The following MYO3B variants were observed in gnomAD, a reference collection of about 807,000 sequenced individuals.
The protein encoded by MYO3B is myosin-IIIb.
MYO3B carries 156 observed loss-of-function variants against 174.6 expected under a neutral mutation model. The observed-to-expected ratio is 0.89, with a 90% CI of 0.78 to 1.02. The LOEUF is 1.02. Among genes scored for constraint, MYO3B ranks in the 50% least tolerant of loss-of-function variants. MYO3B has a pLI of 0.00. For missense variants in MYO3B, 1,632 were observed against 1,639.4 expected, an observed-to-expected ratio of 1.00 and a Z score of 0.08; for synonymous variants, 563 against 569.1, an observed-to-expected ratio of 0.99 and a Z score of 0.15.
At chr2:170,481,865 TGTG>T (rs1685708561) in intron 25 of MYO3B, among the ~76,000 whole-genome samples, 1 of 152,156 alleles carries the variant, frequency 6.6e-6, no homozygotes, top group Non-Finnish European at 1.5e-5. Flanking sequence ...CCCAACTGTG[TGTG>T]TTGGTGCCTT....
chr2:170,448,119 T>C (rs1045338203), intron 23 of MYO3B, among the ~76,000 whole-genome samples: 4 of 152,174 alleles, frequency 2.6e-5, no homozygotes, highest in African/African-American at 9.7e-5. Context: ...TGTGGCTAAT[T>C]TGTTAGTCTT....
chr2:170,282,989 C>A (rs777005501), intron 7 of MYO3B, among the ~76,000 whole-genome samples: 2 of 152,118 alleles, frequency 1.3e-5, no homozygotes, highest in Non-Finnish European at 1.5e-5. Context: ...TTCACCATTG[C>A]AGTCCTCTGG....
chr2:170,630,800 C>G (rs1380472509), intron 32 of MYO3B, among the ~76,000 whole-genome samples: 2 of 152,220 alleles, frequency 1.3e-5, no homozygotes, highest in Admixed American at 1.3e-4. Flanking sequence ...TCCAACAGAC[C>G]TGCAACTGAG....
intron 28 of MYO3B, among the ~76,000 whole-genome samples, chr2:170,512,751 G>A (rs1024179046): frequency 6.6e-6 from 1 of 152,094 alleles, no homozygotes. Flanking sequence ...AGGAGAATAG[G>A]GATTATTATT....
rs556420213 is a variant in MYO3B, at chr2:170,599,799, A to C, written c.3734-51829A>C. ...TGATGTGTTCAGCTCAATATTTTAG[A>C]GTGCTTGCCCTTAGTCTCAGGCTTA... is the stretch of plus-strand genomic sequence containing the variant. On this transcript the variant is annotated intron_variant, in intron 32 of 34. Coordinates refer to ENST00000408978, the MANE Select transcript of MYO3B (RefSeq NM_138995.5). Among the ~76,000 whole-genome samples, 9 of 152,294 alleles carry C rather than the reference A, an allele frequency of 5.9e-5. No homozygotes were observed. In the East Asian group the frequency reaches 1.7e-3, roughly 29 times the overall value.
intron 7 of MYO3B, among the ~76,000 whole-genome samples, chr2:170,252,937 G>A (rs1186281533): frequency 1.3e-5 from 2 of 152,290 alleles, no homozygotes; most frequent in East Asian, 1.9e-4. Flanking sequence ...GTGGAGAGTG[G>A]TAGATGATGA....
intron 32 of MYO3B, among the ~76,000 whole-genome samples, chr2:170,551,798 G>A (rs1392607687): frequency 6.6e-6 from 1 of 152,122 alleles, no homozygotes; most frequent in East Asian, 1.9e-4. Context: ...CCTCAGTGTT[G>A]GGGGAGGGAC....
intron 25 of MYO3B, among the ~76,000 whole-genome samples, chr2:170,476,003 G>T (rs1685293027): frequency 6.6e-6 from 1 of 152,168 alleles, no homozygotes; most frequent in Admixed American, 6.5e-5. Flanking sequence ...CAGCATTCTT[G>T]CTTTTCCCTG....
In MYO3B at chr2:170,652,163, C is replaced by G; in HGVS notation, c.3887+9C>G. 1 of 1,613,656 alleles carries G rather than the reference C, an allele frequency of 6.2e-7. No homozygotes were observed. Among genetic ancestry groups the G allele is most frequent in the Non-Finnish European group, 8.5e-7 (1 of 1,179,662 alleles). On this transcript the variant is annotated intron_variant, in intron 34 of 34. Transcript: ENST00000408978. ...AAGCCAAGAAAACTTGGGTAAATAT[C>G]TGTCTTCTTAGTTCTAAGCAACTGT...
At chr2:170,200,383 GAGT>G (rs2092648603) in intron 3 of MYO3B, 99 bp downstream of exon 3, 1 of 1,369,600 alleles carries the variant, frequency 7.3e-7, no homozygotes, top group African/African-American at 1.5e-5. Context: ...CACATTTGAG[GAGT>G]AGGTCCCTCC....
chr2:170,343,072 CACACA>C (rs774666084), intron 8 of MYO3B, among the ~76,000 whole-genome samples: 21 of 150,324 alleles, frequency 1.4e-4, no homozygotes, highest in Admixed American at 3.3e-4. Flanking sequence ...CACACACACA[CACACA>C]CCCCTCTCCA....
chr2:170,204,961 G>A (rs1440017711), intron 3 of MYO3B, among the ~76,000 whole-genome samples: 1 of 152,028 alleles, frequency 6.6e-6, no homozygotes, highest in East Asian at 1.9e-4. Flanking sequence ...TTATATCCAA[G>A]TGCCCAGTCT....
chr2:170,403,149 T>C (rs1268214743), intron 19 of MYO3B, among the ~76,000 whole-genome samples, 154 bp downstream of exon 19: 1 of 152,190 alleles, frequency 6.6e-6, no homozygotes. Flanking sequence ...TAAATTTGTC[T>C]GGAAAAGGTC....
At chr2:170,344,244 G>C (rs1391255664) in intron 8 of MYO3B, 1 of 152,420 alleles carries the variant, frequency 6.6e-6, no homozygotes, top group African/African-American at 2.4e-5. Context: ...GAGGCGGGTG[G>C]ATCACAAGGT....
chr2:170,343,788 G>C (rs2093995119), intron 8 of MYO3B: 1 of 152,246 alleles, frequency 6.6e-6, no homozygotes, highest in South Asian at 2.1e-4. Flanking sequence ...CTGCTAATTA[G>C]ATTTTTGGCC....
At chr2:170,421,426 A>G (rs1202602905) in intron 22 of MYO3B, among the ~76,000 whole-genome samples, 1 of 152,176 alleles carries the variant, frequency 6.6e-6, no homozygotes, top group Non-Finnish European at 1.5e-5. Flanking sequence ...CAAACAGTAC[A>G]CTTGTGGCTA....
intron 7 of MYO3B, among the ~76,000 whole-genome samples, chr2:170,278,442 A>G (rs2105385554): frequency 6.6e-6 from 1 of 152,276 alleles, no homozygotes; most frequent in Non-Finnish European, 1.5e-5. Flanking sequence ...AATATTGTAG[A>G]TACTAAAAAG....
At chr2:170,620,161 C>A (rs1349835718) in intron 32 of MYO3B, among the ~76,000 whole-genome samples, 1 of 151,674 alleles carries the variant, frequency 6.6e-6, no homozygotes, top group African/African-American at 2.4e-5. Context: ...TTCAAACAAA[C>A]AAACAACATG....
At chr2:170,449,409 A>G (rs1462144454) in intron 23 of MYO3B, among the ~76,000 whole-genome samples, 1 of 152,244 alleles carries the variant, frequency 6.6e-6, no homozygotes, top group African/African-American at 2.4e-5. Flanking sequence ...AGGTAGAGAG[A>G]AAGCAATATG....
Sources: gnomAD v4.1 joint callset for allele counts (sites outside exome capture counted in the v4.1 genomes callset) on GRCh38, gnomAD v4.1.1 for gene constraint, MANE v1.5 for transcripts, NCBI Gene and HGNC (gene_info 2026-07-23, HGNC 2026-07-21) for gene names.